The following FGD4 variants were observed in gnomAD, a reference collection of about 807,000 sequenced individuals.
FGD4 encodes FYVE, RhoGEF and PH domain-containing protein 4.
Under a neutral mutation model 102.0 loss-of-function variants are expected in FGD4, and 42 were observed. The observed-to-expected ratio is 0.41, with a 90% CI of 0.32 to 0.53. The LOEUF (loss-of-function observed/expected upper bound fraction) is 0.53. Among genes scored for constraint, FGD4 ranks in the 20% least tolerant of loss-of-function variants. The pLI is 0.21. For synonymous variants in FGD4, 380 were observed against 375.7 expected, an observed-to-expected ratio of 1.01 and a Z score of -0.13; for missense variants, 902 against 1,078.2, an observed-to-expected ratio of 0.84 and a Z score of 2.29.
At chr12:32,502,767 T>C (rs1395481809) in intron 1 of FGD4, among the ~76,000 whole-genome samples, 6 of 152,222 alleles carry the variant, frequency 3.9e-5, no homozygotes, top group Non-Finnish European at 7.3e-5. Flanking sequence ...CCCACATGAC[T>C]GACCCACCAT....
chr12:32,640,428 G>T lies in FGD4; in HGVS notation c.2607G>T (p.Leu869=). ...GTGAGGAACTGAAGCAGAAGTGGCT[G>T]AAAGTCATCCTTTTAGCTGTCACAG... ...ADSEELKQKW[L]KVILLAVTGE... The change falls in exon 17 of 17, where the codon CTG becomes CTT. Residue 869 remains leucine, a synonymous_variant. Transcript: ENST00000534526. 6.2e-7 allele frequency: 1 copy of T among 1,614,148 alleles called. No homozygotes were observed. The highest frequency in any genetic ancestry group is 8.5e-7 in the Non-Finnish European group (1 of 1,180,024).
chr12:32,634,034 AAT>A (rs1950649377), intron 15 of FGD4, among the ~76,000 whole-genome samples: 1 of 152,222 alleles, frequency 6.6e-6, no homozygotes, highest in African/African-American at 2.4e-5. Context: ...GAATACAAAT[AAT>A]ATATCTTTGT....
chr12:32,451,090 C>A (rs981556821), intron 1 of FGD4, among the ~76,000 whole-genome samples: 1 of 152,192 alleles, frequency 6.6e-6, no homozygotes. Flanking sequence ...TTGGGTGAAG[C>A]TTTGCAAAGA....
intron 4 of FGD4, among the ~76,000 whole-genome samples, chr12:32,585,980 T>C (rs977247722): frequency 4.6e-5 from 7 of 151,580 alleles, no homozygotes; most frequent in Non-Finnish European, 8.8e-5. Context: ...AGATCAAAGA[T>C]ACGCTGGGAT....
intron 4 of FGD4, among the ~76,000 whole-genome samples, chr12:32,583,352 A>G (rs902811340): frequency 3.3e-5 from 5 of 152,158 alleles, no homozygotes; most frequent in Admixed American, 6.5e-5. Flanking sequence ...ACAAGGAAAA[A>G]AAAATCTTAG....
At chr12:32,545,966 G>A (rs890702246) in intron 1 of FGD4, among the ~76,000 whole-genome samples, 2 of 152,134 alleles carry the variant, frequency 1.3e-5, no homozygotes, top group Non-Finnish European at 2.9e-5. Context: ...TTAATTTCCT[G>A]GAACAGATTC....
chr12:32,492,195 A>G (rs1405711784), intron 1 of FGD4, among the ~76,000 whole-genome samples: 1 of 152,202 alleles, frequency 6.6e-6, no homozygotes. Flanking sequence ...GAAACTTGAA[A>G]TGAATGTATT....
At chr12:32,522,307 C>T (rs1200168221) in intron 1 of FGD4, among the ~76,000 whole-genome samples, 1 of 152,014 alleles carries the variant, frequency 6.6e-6, no homozygotes, top group Non-Finnish European at 1.5e-5. Context: ...ACAGGAAGAT[C>T]CTCGTTATAT....
chr12:32,568,977 TGC>T (rs1945417727), intron 2 of FGD4, among the ~76,000 whole-genome samples: 1 of 152,228 alleles, frequency 6.6e-6, no homozygotes, highest in South Asian at 2.1e-4. Context: ...GAAACTGAAC[TGC>T]TAACTGCTAT....
In FGD4 at chr12:32,453,220, A is replaced by ATT. The variant is rs1391496111; in HGVS notation, c.166+53261_166+53262insTT. On this transcript the variant is annotated intron_variant, in intron 1 of 16. Transcript: ENST00000534526. The stretch of plus-strand genomic sequence containing the variant: ...ATATATTATATATATATATATATAT[A>ATT]ATATAGATATATATATATTTTTTTT... 3.4e-4 allele frequency among the ~76,000 whole-genome samples: 18 copies of ATT among 52,784 alleles called. No individual in the cohort carries two copies. In the South Asian group the frequency reaches 7.6e-3, roughly 22 times the overall value. The allele number at this position is 52,784 out of a possible 152,430, so 34.6% of individuals were successfully genotyped here. A position where few individuals can be genotyped will look rare whatever the true frequency, so the allele number is the denominator to read the frequency against.
chr12:32,620,693 A>ATTTTT (rs1208809588), intron 11 of FGD4, among the ~76,000 whole-genome samples: 1,091 of 97,028 alleles, frequency 0.011, 20 homozygotes, highest in Middle Eastern at 0.029. Context: ...CACCTGGCTA[A>ATTTTT]TTTTTTTTTT....
At chr12:32,609,113 C>A (rs545119810) in intron 8 of FGD4, among the ~76,000 whole-genome samples, 1 of 152,288 alleles carries the variant, frequency 6.6e-6, no homozygotes, top group Non-Finnish European at 1.5e-5. Flanking sequence ...ATCCACCCAC[C>A]TCAGCTTCCC....
At chr12:32,597,024 T>A (rs570302437) in intron 4 of FGD4, among the ~76,000 whole-genome samples, 2 of 152,064 alleles carry the variant, frequency 1.3e-5, no homozygotes, top group East Asian at 3.9e-4. Context: ...GCATATACAT[T>A]AGAAAGATTT....
intron 4 of FGD4, among the ~76,000 whole-genome samples, chr12:32,595,069 G>A (rs1471373445): frequency 6.6e-6 from 1 of 151,372 alleles, no homozygotes; most frequent in African/African-American, 2.4e-5. Flanking sequence ...ATAAAACAAA[G>A]GGCTTACAAT....
chr12:32,486,236 A>T, intron 1 of FGD4: 1 of 1,171,198 alleles, frequency 8.5e-7, no homozygotes, highest in Non-Finnish European at 1.2e-6. Context: ...AGATGAGGTC[A>T]CTGGTATTTC....
chr12:32,578,769 T>G (rs960996088), intron 3 of FGD4, among the ~76,000 whole-genome samples: 1 of 151,736 alleles, frequency 6.6e-6, no homozygotes, highest in African/African-American at 2.4e-5. Flanking sequence ...AGGTCAAGGC[T>G]GCAGTGAGCC....
At chr12:32,575,886 C>T (rs1401362143) in intron 2 of FGD4, among the ~76,000 whole-genome samples, 1 of 152,160 alleles carries the variant, frequency 6.6e-6, no homozygotes, top group East Asian at 1.9e-4. Context: ...TGTTTTGTAG[C>T]AGACAATGTA....
Position 32,524,813 on chromosome 12 carries a change from G to A in FGD4, c.167-39324G>A, listed in dbSNP as rs547514247. ...GCGATCCACCTGGGTGACAGAGTGA[G>A]ACACTGTTTCAAAAAAAAAAAAAAT... is the stretch of plus-strand genomic sequence containing the variant. On this transcript the variant is annotated intron_variant, in intron 1 of 16. Transcript: ENST00000534526. Among the ~76,000 whole-genome samples the A allele has an allele frequency of 8.2e-4, 118 of 143,248 alleles. 1 individual carries two copies. The highest frequency in any genetic ancestry group is 2.7e-3 in the African/African-American group (108 of 40,002). The allele number at this position is 143,248 out of a possible 152,430, so 94.0% of individuals were successfully genotyped here. A position where few individuals can be genotyped will look rare whatever the true frequency, so the allele number is the denominator to read the frequency against.
intron 2 of FGD4, among the ~76,000 whole-genome samples, chr12:32,574,562 G>A (rs956638453): frequency 3.3e-5 from 5 of 151,954 alleles, no homozygotes; most frequent in African/African-American, 9.6e-5. Context: ...AACATATGTT[G>A]GAAAATATCA....
Sources: gnomAD v4.1 joint callset for allele counts (sites outside exome capture counted in the v4.1 genomes callset) on GRCh38, gnomAD v4.1.1 for gene constraint, MANE v1.5 for transcripts, NCBI Gene and HGNC (gene_info 2026-07-23, HGNC 2026-07-21) for gene names.